The following TSPAN5 variants were observed in gnomAD, a reference collection of about 807,000 sequenced individuals.
The protein encoded by TSPAN5 is tetraspanin-5.
TSPAN5 carries 10 observed loss-of-function variants against 37.1 expected under a neutral mutation model. The ratio of observed to expected loss-of-function variants is 0.27; its 90% CI spans 0.17 to 0.46. The LOEUF is 0.46. TSPAN5 is among the 20% of genes least tolerant of loss of function. The pLI is 1.00. For missense variants in TSPAN5, 195 were observed against 326.6 expected (o/e 0.60, Z 3.11); for synonymous variants, 110 against 118.9 (o/e 0.93, Z 0.48).
chr4:98,634,891 G>T (rs957346223), intron 1 of TSPAN5, among the ~76,000 whole-genome samples: 1 of 152,206 alleles, frequency 6.6e-6, no homozygotes, highest in African/African-American at 2.4e-5. Context: ...AGTCCTTTGG[G>T]TTGGAACTGA....
At chr4:98,529,488 T>TA (rs1754035168) in intron 1 of TSPAN5, among the ~76,000 whole-genome samples, 2 of 104,902 alleles carry the variant, frequency 1.9e-5, no homozygotes, top group African/African-American at 9.0e-5. Context: ...CTGGCACAGT[T>TA]ACGAACTTGT....
chr4:98,502,167 A>C (rs1441762108), intron 2 of TSPAN5, among the ~76,000 whole-genome samples: 1 of 152,188 alleles, frequency 6.6e-6, no homozygotes, highest in East Asian at 1.9e-4. Flanking sequence ...CATGAGAATC[A>C]CTTGTGTTGT....
chr4:98,551,658 AT>A (rs36041602), intron 1 of TSPAN5, among the ~76,000 whole-genome samples: 136,508 of 140,212 alleles, frequency 0.97, 66,454 homozygotes, highest in Non-Finnish European at 0.99. Flanking sequence ...CGCCCAGCTA[AT>A]TTTTTTTTTT....
intron 1 of TSPAN5, among the ~76,000 whole-genome samples, chr4:98,522,233 G>T (rs561338311): frequency 6.6e-6 from 1 of 152,284 alleles, no homozygotes; most frequent in Non-Finnish European, 1.5e-5. Context: ...CTGACTTCTT[G>T]TTAGAATTCA....
chr4:98,654,601 A>G (rs982084007), intron 1 of TSPAN5, among the ~76,000 whole-genome samples: 23 of 152,282 alleles, frequency 1.5e-4, no homozygotes, highest in African/African-American at 5.3e-4. Flanking sequence ...GTTTTCCCCC[A>G]CCAGCCTGTG....
chr4:98,493,340 TG>T (rs551868706), intron 2 of TSPAN5, among the ~76,000 whole-genome samples: 1 of 152,202 alleles, frequency 6.6e-6, no homozygotes, highest in Admixed American at 6.5e-5. Flanking sequence ...TAGCAAGCCC[TG>T]GGGGCTAAAG....
chr4:98,650,388 T>C (rs888292531), intron 1 of TSPAN5, among the ~76,000 whole-genome samples: 12 of 152,222 alleles, frequency 7.9e-5, no homozygotes, highest in African/African-American at 2.9e-4. Flanking sequence ...CACAGGATGC[T>C]AGAGCACTAA....
chr4:98,600,978 G>C (rs879588295), intron 1 of TSPAN5, among the ~76,000 whole-genome samples: 4 of 152,204 alleles, frequency 2.6e-5, no homozygotes, highest in Non-Finnish European at 5.9e-5. Context: ...AAGCATGAAA[G>C]CAAATTAATC....
intron 1 of TSPAN5, chr4:98,560,050 T>G (rs1754844808): frequency 6.6e-6 from 1 of 152,214 alleles, no homozygotes; most frequent in African/African-American, 2.4e-5. Flanking sequence ...AAAATGTAAT[T>G]TTTCTAAGCA....
At chr4:98,510,379 C>G (rs1212659290) in intron 1 of TSPAN5, among the ~76,000 whole-genome samples, 1 of 152,192 alleles carries the variant, frequency 6.6e-6, no homozygotes. Flanking sequence ...ATTCCTCCCC[C>G]AGCAAGCAAA....
intron 1 of TSPAN5, among the ~76,000 whole-genome samples, chr4:98,532,430 G>A (rs1319794030): frequency 1.3e-5 from 2 of 152,068 alleles, no homozygotes; most frequent in Non-Finnish European, 2.9e-5. Context: ...GGATTCCTAG[G>A]TATTTTATTC....
In TSPAN5 at chr4:98,506,416, T is replaced by C. The variant is rs969610341; in HGVS notation, c.132+1262A>G. On this transcript the variant is annotated intron_variant, in intron 2 of 7. Coordinates refer to ENST00000305798, the MANE Select transcript of TSPAN5 (RefSeq NM_005723.4). Reference sequence around the variant, plus strand: ...CTCCAGGTAGCCTCAGTTACTCTTGTTGCTAAAAAGTAGTTTGTTTTCCAT... The same window carrying C: ...CTCCAGGTAGCCTCAGTTACTCTTGCTGCTAAAAAGTAGTTTGTTTTCCAT... Among the ~76,000 whole-genome samples, 36 of 152,260 alleles carry C rather than the reference T, an allele frequency of 2.4e-4. 1 individual carries two copies. The highest frequency in any genetic ancestry group is 6.5e-5 in the Admixed American group (1 of 15,286).
chr4:98,604,772 AC>A (rs1755966798), intron 1 of TSPAN5, among the ~76,000 whole-genome samples: 1 of 152,232 alleles, frequency 6.6e-6, no homozygotes, highest in South Asian at 2.1e-4. Flanking sequence ...CTGAGCACAT[AC>A]TACAGTCTCA....
intron 1 of TSPAN5, among the ~76,000 whole-genome samples, chr4:98,519,870 T>G (rs1286255270): frequency 6.6e-6 from 1 of 152,192 alleles, no homozygotes; most frequent in Non-Finnish European, 1.5e-5. Context: ...ACAAGTAATT[T>G]AACTTGTCAG....
At chr4:98,639,055 T>C (rs1247211201) in intron 1 of TSPAN5, among the ~76,000 whole-genome samples, 1 of 152,040 alleles carries the variant, frequency 6.6e-6, no homozygotes, top group Non-Finnish European at 1.5e-5. Context: ...CACGAAGAAA[T>C]GGCCCAGGTA....
intron 7 of TSPAN5, among the ~76,000 whole-genome samples, chr4:98,475,790 C>G (rs868734694): frequency 3.9e-5 from 6 of 152,084 alleles, no homozygotes; most frequent in African/African-American, 7.2e-5. Context: ...GAGATCGAGA[C>G]CATCCTAGCT....
At chr4:98,648,119 T>A (rs1757108200) in intron 1 of TSPAN5, among the ~76,000 whole-genome samples, 1 of 152,204 alleles carries the variant, frequency 6.6e-6, no homozygotes, top group African/African-American at 2.4e-5. Flanking sequence ...GTCTTCTGTA[T>A]TTGCTTTATT....
chr4:98,559,637 G>A (rs2866017), intron 1 of TSPAN5, among the ~76,000 whole-genome samples: 1 of 152,048 alleles, frequency 6.6e-6, no homozygotes, highest in Non-Finnish European at 1.5e-5. Flanking sequence ...AAGTAGGCTC[G>A]AAAAGCTTTT....
At chr4:98,529,111 G>T (rs975048047) in intron 1 of TSPAN5, among the ~76,000 whole-genome samples, 2 of 152,128 alleles carry the variant, frequency 1.3e-5, no homozygotes, top group Non-Finnish European at 2.9e-5. Flanking sequence ...TGTGTGGCAC[G>T]CTGTGATACC....
Sources: gnomAD v4.1 joint callset for allele counts (sites outside exome capture counted in the v4.1 genomes callset) on GRCh38, gnomAD v4.1.1 for gene constraint, MANE v1.5 for transcripts, NCBI Gene and HGNC (gene_info 2026-07-23, HGNC 2026-07-21) for gene names.